The following SLC39A12 variants were observed in gnomAD, a reference collection of about 807,000 sequenced individuals.
SLC39A12 encodes the protein solute carrier family 39 member 12.
Under a neutral mutation model 71.1 loss-of-function variants are expected in SLC39A12, and 63 were observed. The ratio of observed to expected loss-of-function variants is 0.89; its 90% CI spans 0.72 to 1.09. The LOEUF (loss-of-function observed/expected upper bound fraction) is 1.09, where lower values mean the gene tolerates loss of function less well. SLC39A12 is among the 50% of genes least tolerant of loss of function. The probability of loss-of-function intolerance (pLI) is 0.00; values close to 1 mark genes in which losing one functional copy is unlikely to be tolerated. For missense variants in SLC39A12, 892 were observed against 812.6 expected (o/e 1.10, Z -1.19); for synonymous variants, 351 against 301.3 (o/e 1.16, Z -1.71).
chr10:18,016,174 C>T (rs1419763744), intron 12 of SLC39A12, among the ~76,000 whole-genome samples: 2 of 152,194 alleles, frequency 1.3e-5, no homozygotes, highest in East Asian at 1.9e-4. Context: ...CCTAAATGTC[C>T]CCTGTGTTTT....
At chr10:17,996,464 T>C (rs528293624) in intron 10 of SLC39A12, among the ~76,000 whole-genome samples, 1 of 152,348 alleles carries the variant, frequency 6.6e-6, no homozygotes, top group South Asian at 2.1e-4. Flanking sequence ...GCATCATGAT[T>C]AGTTATTCCC....
chr10:18,008,741 A>G (rs1413338653), intron 12 of SLC39A12: 2 of 152,170 alleles, frequency 1.3e-5, no homozygotes, highest in Admixed American at 6.5e-5. Context: ...AGCAATACCT[A>G]TCTATCAATT....
At chr10:17,973,307 T>C (rs896273666) in intron 4 of SLC39A12, among the ~76,000 whole-genome samples, 16 of 152,148 alleles carry the variant, frequency 1.1e-4, no homozygotes, top group African/African-American at 3.9e-4. Context: ...GAATTCTGTG[T>C]TTTTCTGTGT....
intron 2 of SLC39A12, among the ~76,000 whole-genome samples, chr10:17,959,187 T>C (rs1297950629): frequency 2.0e-5 from 3 of 152,166 alleles, no homozygotes; most frequent in Non-Finnish European, 2.9e-5. Context: ...TTTTGGGTCT[T>C]GGTGTCAGCC....
At chr10:17,991,864 G>A (rs1337304633) in intron 8 of SLC39A12, among the ~76,000 whole-genome samples, 3 of 151,974 alleles carry the variant, frequency 2.0e-5, no homozygotes, top group African/African-American at 7.2e-5. Context: ...CGAGGCAGGC[G>A]GATCACCTGA....
At chr10:17,975,644 G>A (rs907327460) in intron 4 of SLC39A12, among the ~76,000 whole-genome samples, 3 of 152,146 alleles carry the variant, frequency 2.0e-5, no homozygotes, top group African/African-American at 4.8e-5. Context: ...TTAGGGAAGG[G>A]GTAATACCAG....
chr10:17,962,879 A>C (rs1834727339), intron 3 of SLC39A12, among the ~76,000 whole-genome samples: 1 of 152,178 alleles, frequency 6.6e-6, no homozygotes, highest in Non-Finnish European at 1.5e-5. Context: ...TCCTAGGCCC[A>C]GTGCAGTGGC....
intron 8 of SLC39A12, 89 bp from the exon 9 acceptor site, chr10:17,993,092 A>T (rs763904324): frequency 2.3e-6 from 2 of 859,514 alleles, no homozygotes; most frequent in Non-Finnish European, 3.5e-6. Context: ...ATTTTGGCCA[A>T]TAGGCAATGG....
rs576973049 is a variant in SLC39A12 at position 17,997,556 on chromosome 10, G to C, written c.1600+1834G>C. Among the ~76,000 whole-genome samples, 6 of 152,264 alleles carry C rather than the reference G, an allele frequency of 3.9e-5. No individual in the cohort carries two copies. The South Asian group carries it at 1.0e-3, about 26-fold the overall frequency. ...TGCCCAGTCAAATCAGGAGCTGAAA[G>C]AGGATGCTAGATTAGGGAGTAACGA... On this transcript the variant is annotated intron_variant, in intron 10 of 12. Transcript: ENST00000377369.
At chr10:17,977,805 C>A (rs1328990098) in intron 4 of SLC39A12, 97 bp from the exon 5 acceptor site, 2 of 929,504 alleles carry the variant, frequency 2.2e-6, no homozygotes, top group Non-Finnish European at 3.0e-6. Flanking sequence ...GATAAGAATT[C>A]TTTGTAAGGG....
rs1834807527 is a variant in SLC39A12 at position 17,965,673 on chromosome 10, A to G, written c.734A>G (p.Asn245Ser). 1 of 1,613,756 alleles carries G rather than the reference A, an allele frequency of 6.2e-7. No individual in the cohort carries two copies. The highest frequency in any genetic ancestry group is 8.5e-7 in the Non-Finnish European group (1 of 1,179,698). The change falls in exon 4 of 13, where the codon AAT (asparagine) becomes AGT (serine). Residue 245 changes from asparagine to serine, a missense_variant. Coordinates refer to ENST00000377369, the MANE Select transcript of SLC39A12 (RefSeq NM_001145195.2). ...EYIFSSLNRTNTLRLSELDQL... is the reference protein window; with the variant it reads ...EYIFSSLNRTSTLRLSELDQL... Reference sequence around the variant, plus strand: ...ATTTTCAGTTCCTTGAATCGTACGAATACCCTCCGCCTATCAGGTAAGGAT... The same window carrying G: ...ATTTTCAGTTCCTTGAATCGTACGAGTACCCTCCGCCTATCAGGTAAGGAT...
intron 9 of SLC39A12, 141 bp from the exon 10 acceptor site, chr10:17,995,515 C>T (rs1835661050): frequency 2.9e-6 from 2 of 682,632 alleles, no homozygotes. Context: ...TTGTGTGTGT[C>T]TATGAAACCT....
At chr10:17,998,966 C>T (rs1215230248) in intron 10 of SLC39A12, among the ~76,000 whole-genome samples, 3 of 149,574 alleles carry the variant, frequency 2.0e-5, no homozygotes, top group Non-Finnish European at 4.4e-5. Context: ...TTATTGAGCA[C>T]AATTATTAGA....
chr10:17,979,222 A>T (rs1322192900), intron 5 of SLC39A12, among the ~76,000 whole-genome samples: 4 of 152,240 alleles, frequency 2.6e-5, no homozygotes, highest in African/African-American at 9.6e-5. Flanking sequence ...TTTATAGAAT[A>T]TAATGAGTCC....
At chr10:18,035,645 G>A (rs560456559) in intron 12 of SLC39A12, among the ~76,000 whole-genome samples, 206 of 152,286 alleles carry the variant, frequency 1.4e-3, no homozygotes, top group Admixed American at 2.2e-3. Context: ...TCTTCTCTCA[G>A]CTCGTCAAAG....
intron 9 of SLC39A12, among the ~76,000 whole-genome samples, chr10:17,995,027 C>T (rs1455480337): frequency 5.3e-5 from 8 of 152,096 alleles, no homozygotes; most frequent in Admixed American, 5.2e-4. Flanking sequence ...GTAATCTTAC[C>T]TCATAAAGTC....
chr10:18,005,711 T>A (rs1049569916), intron 12 of SLC39A12: 3 of 152,256 alleles, frequency 2.0e-5, no homozygotes, highest in Non-Finnish European at 2.9e-5. Context: ...ATGTTCCTGC[T>A]CCTTTTCTTG....
intron 8 of SLC39A12, 52 bp from the exon 9 acceptor site, chr10:17,993,129 T>C (rs1391752598): frequency 1.1e-5 from 15 of 1,336,014 alleles, no homozygotes. Flanking sequence ...TGACAAAGAC[T>C]ACACCTGTGT....
Position 17,978,213 on chromosome 10 carries a change from G to A in SLC39A12, c.924+139G>A, listed in dbSNP as rs146653577. The A allele has an allele frequency of 3.8e-3, 2,472 of 651,352 alleles. 44 individuals are homozygous for A. The highest frequency in any genetic ancestry group is 0.035 in the African/African-American group (1,851 of 53,308). The allele number at this position is 651,352 out of a possible 1,614,324, so 40.3% of individuals were successfully genotyped here. A position where few individuals can be genotyped will look rare whatever the true frequency, so the allele number is the denominator to read the frequency against. On this transcript the variant is annotated intron_variant, in intron 5 of 12. Coordinates refer to ENST00000377369, the MANE Select transcript of SLC39A12 (RefSeq NM_001145195.2). Reference sequence around the variant, plus strand: ...AGTAAAAATATTCTAGTTCCACCACGTAGTTACGGTTTTCTTTTTCTACAA... The same window carrying A: ...AGTAAAAATATTCTAGTTCCACCACATAGTTACGGTTTTCTTTTTCTACAA...
Sources: gnomAD v4.1 joint callset for allele counts (sites outside exome capture counted in the v4.1 genomes callset) on GRCh38, gnomAD v4.1.1 for gene constraint, MANE v1.5 for transcripts, NCBI Gene and HGNC (gene_info 2026-07-23, HGNC 2026-07-21) for gene names.